DPYD: variants seen among roughly 807,000 people sequenced by gnomAD.
DPYD encodes dihydropyrimidine dehydrogenase, also known as dihydropyrimidine dehydrogenase [NADP(+)].
Under a neutral mutation model 116.2 loss-of-function variants are expected in DPYD, and 109 were observed. The ratio of observed to expected loss-of-function variants is 0.94; its 90% confidence interval spans 0.80 to 1.10. The LOEUF is 1.10. Among genes scored for constraint, DPYD ranks in the 50% least tolerant of loss-of-function variants. DPYD has a pLI of 0.00. For synonymous variants in DPYD, 440 were observed against 432.0 expected (o/e 1.02, Z -0.23); for missense variants, 1,302 against 1,254.5 (o/e 1.04, Z -0.57).
chr1:97,706,671 T>C (rs1661974598), intron 5 of DPYD, among the ~76,000 whole-genome samples: 1 of 152,086 alleles, frequency 6.6e-6, no homozygotes, highest in Admixed American at 6.6e-5. Flanking sequence ...TTAAGTTTTC[T>C]CTGTGTCTCT....
intron 8 of DPYD, among the ~76,000 whole-genome samples, chr1:97,639,329 ATGTGTG>A (rs1234616584): frequency 6.6e-6 from 1 of 152,174 alleles, no homozygotes; most frequent in Non-Finnish European, 1.5e-5. Context: ...ATTACAAAAT[ATGTGTG>A]TGTACTAAAT....
At chr1:97,810,554 G>A (rs79498699) in intron 3 of DPYD, among the ~76,000 whole-genome samples, 8,097 of 152,056 alleles carry the variant, frequency 0.053, 279 homozygotes, top group South Asian at 0.11. Flanking sequence ...AGACCTGACT[G>A]TTAATTCTCT....
intron 8 of DPYD, among the ~76,000 whole-genome samples, chr1:97,635,579 T>G (rs982789783): frequency 2.6e-5 from 4 of 152,198 alleles, no homozygotes; most frequent in Non-Finnish European, 5.9e-5. Flanking sequence ...AATACATGGA[T>G]GCATTTCTTA....
chr1:97,268,727 G>T (rs1245749357), intron 18 of DPYD, among the ~76,000 whole-genome samples: 1 of 152,100 alleles, frequency 6.6e-6, no homozygotes, highest in Admixed American at 6.6e-5. Context: ...GGTCCGATAT[G>T]AGCCCCTGTC....
intron 11 of DPYD, among the ~76,000 whole-genome samples, chr1:97,555,090 A>G (rs1651595583): frequency 6.6e-6 from 1 of 152,236 alleles, no homozygotes; most frequent in African/African-American, 2.4e-5. Flanking sequence ...ACGGTCACCA[A>G]ATTCTGTGAC....
intron 3 of DPYD, among the ~76,000 whole-genome samples, chr1:97,822,253 C>CAA (rs1668981317): frequency 6.7e-6 from 1 of 149,338 alleles, no homozygotes; most frequent in Non-Finnish European, 1.5e-5. Flanking sequence ...TATATACACA[C>CAA]ACACAGATTT....
At chr1:97,102,800 A>C (rs1469569727) in intron 20 of DPYD, among the ~76,000 whole-genome samples, 1 of 151,978 alleles carries the variant, frequency 6.6e-6, no homozygotes, top group Non-Finnish European at 1.5e-5. Flanking sequence ...ATTAAGGGCT[A>C]GTGTCAGATT....
intron 8 of DPYD, among the ~76,000 whole-genome samples, chr1:97,595,380 A>G (rs1405533067): frequency 6.6e-6 from 1 of 152,142 alleles, no homozygotes; most frequent in Admixed American, 6.5e-5. Context: ...ACACATCGTA[A>G]ATCACACATT....
At chr1:97,262,551 A>G (rs567026824) in intron 18 of DPYD, among the ~76,000 whole-genome samples, 2 of 152,238 alleles carry the variant, frequency 1.3e-5, no homozygotes, top group South Asian at 2.1e-4. Context: ...TTAAAATTCT[A>G]AAGTTTTGAG....
intron 1 of DPYD, among the ~76,000 whole-genome samples, chr1:97,893,693 T>C (rs1192094253): frequency 1.3e-5 from 2 of 151,456 alleles, no homozygotes; most frequent in Non-Finnish European, 1.5e-5. Context: ...ACTGAGCATA[T>C]AGTTAACACA....
In DPYD at chr1:97,815,081, GAAAGAAA is replaced by G. The variant is rs1571403879; in HGVS notation, c.233+13026_233+13032del. On this transcript the variant is annotated intron_variant, in intron 3 of 22. Transcript: ENST00000370192. ...GGAGAAAGAAAGAAAGAAAAGAGAA[GAAAGAAA>G]AGAGAAGAGAAGAGAAAAGAGAAGA... 2.8e-5 allele frequency among the ~76,000 whole-genome samples: 4 copies of G among 143,492 alleles called. No individual in the cohort carries two copies. In the East Asian group the frequency reaches 9.1e-4, roughly 33 times the overall value. 94.1% of individuals were successfully genotyped at this position (143,492 alleles called of 152,430 possible).
chr1:97,500,601 C>T (rs552951329), intron 13 of DPYD, among the ~76,000 whole-genome samples: 53 of 150,274 alleles, frequency 3.5e-4, no homozygotes, highest in African/African-American at 1.2e-3. Flanking sequence ...TCATACAAGG[C>T]GTAGATTAAT....
chr1:97,728,962 T>A (rs890526111), intron 4 of DPYD, among the ~76,000 whole-genome samples: 1 of 151,000 alleles, frequency 6.6e-6, no homozygotes, highest in South Asian at 2.1e-4. Flanking sequence ...AAAAAAAAAA[T>A]GGAGATAGAA....
intron 13 of DPYD, among the ~76,000 whole-genome samples, chr1:97,495,901 T>A (rs2101915963): frequency 6.6e-6 from 1 of 152,278 alleles, no homozygotes; most frequent in Admixed American, 6.5e-5. Context: ...CATTTTCAGA[T>A]CAATTTTAAT....
chr1:97,500,833 G>A (rs1165879691), intron 13 of DPYD, among the ~76,000 whole-genome samples: 2 of 152,166 alleles, frequency 1.3e-5, no homozygotes, highest in Non-Finnish European at 1.5e-5. Flanking sequence ...TCCACTGGCA[G>A]GGAGTTTTCC....
At chr1:97,350,662 A>G (rs1026889010) in intron 16 of DPYD, among the ~76,000 whole-genome samples, 2 of 152,196 alleles carry the variant, frequency 1.3e-5, no homozygotes, top group Non-Finnish European at 1.5e-5. Flanking sequence ...TTCAATTATT[A>G]ATAATGCTGT....
chr1:97,675,843 G>A (rs1056648629), intron 8 of DPYD, among the ~76,000 whole-genome samples: 4 of 150,054 alleles, frequency 2.7e-5, no homozygotes, highest in Admixed American at 6.7e-5. Context: ...CCACCTCCCC[G>A]GTTGAAGCGA....
intron 8 of DPYD, among the ~76,000 whole-genome samples, chr1:97,617,491 C>T (rs969678080): frequency 6.6e-6 from 1 of 152,140 alleles, no homozygotes; most frequent in Non-Finnish European, 1.5e-5. Flanking sequence ...ATTCTTAGAA[C>T]TTTAGCTTTG....
At chr1:97,819,479 G>A (rs190763182) in intron 3 of DPYD, among the ~76,000 whole-genome samples, 6 of 151,748 alleles carry the variant, frequency 4.0e-5, no homozygotes, top group Admixed American at 1.3e-4. Context: ...AGTTACAAAC[G>A]TTAAATCATG....
Sources: gnomAD v4.1 joint callset for allele counts (sites outside exome capture counted in the v4.1 genomes callset) on GRCh38, gnomAD v4.1.1 for gene constraint, MANE v1.5 for transcripts, NCBI Gene and HGNC (gene_info 2026-07-23, HGNC 2026-07-21) for gene names.